Variants in PDCD10 observed in about 807,000 individuals in gnomAD.
PDCD10 encodes programmed cell death 10.
A neutral mutation model predicts 29.2 loss-of-function variants in PDCD10; 4 were observed. The ratio of observed to expected loss-of-function variants is 0.14; its 90% CI spans 0.07 to 0.31. The LOEUF (loss-of-function observed/expected upper bound fraction) is 0.31, where lower values mean the gene tolerates loss of function less well. Ranked by LOEUF, PDCD10 falls within the 10% of genes least tolerant of loss-of-function variation. The pLI, the probability that PDCD10 is intolerant of heterozygous loss-of-function variation, is 1.00. For synonymous variants in PDCD10, 70 were observed against 82.2 expected (o/e 0.85, Z 0.80); for missense variants, 183 against 257.9 (o/e 0.71, Z 1.99).
chr3:167,721,814 T>C (rs1358980604), intron 2 of PDCD10, among the ~76,000 whole-genome samples: 5 of 152,194 alleles, frequency 3.3e-5, no homozygotes, highest in Non-Finnish European at 7.3e-5. Context: ...AAGAATACCA[T>C]TACCTGATTA....
At chr3:167,728,495 A>T (rs1348862357) in intron 2 of PDCD10, among the ~76,000 whole-genome samples, 1 of 152,226 alleles carries the variant, frequency 6.6e-6, no homozygotes, top group Non-Finnish European at 1.5e-5. Flanking sequence ...TGACTGAATA[A>T]GACAGGGAGA....
At chr3:167,719,480 A>G (rs922122238) in intron 3 of PDCD10, among the ~76,000 whole-genome samples, 1 of 152,140 alleles carries the variant, frequency 6.6e-6, no homozygotes, top group Admixed American at 6.6e-5. Flanking sequence ...ACCCCAAAAT[A>G]TATCAATATT....
chr3:167,711,173 C>T (rs1559965569), intron 3 of PDCD10, among the ~76,000 whole-genome samples: 1 of 152,166 alleles, frequency 6.6e-6, no homozygotes. Flanking sequence ...ACCAAACAAA[C>T]TAAATAAGGC....
Position 167,695,644 on chromosome 3 carries a change from T to C in PDCD10, c.347A>G (p.Lys116Arg). 1.2e-6 allele frequency: 2 copies of C among 1,612,712 alleles called. No individual in the cohort carries two copies. Among genetic ancestry groups the C allele is most frequent in the Non-Finnish European group, 1.7e-6 (2 of 1,178,694 alleles). ...TCTGTCATTGATCTCATCTGGGATC[T>C]TACTGAGAATTTGTTTAAGTGCTCG... is the stretch of plus-strand genomic sequence containing the variant. ...KARALKQILSKIPDEINDRVR... is the reference protein window; with the variant it reads ...KARALKQILSRIPDEINDRVR... Residue 116 changes from lysine (K) to arginine (R), a missense_variant, in exon 6 of 9, where the codon AAG (lysine) becomes AGG (arginine). Lys to Arg is a conservative substitution (Grantham distance 26, BLOSUM62 2). Coordinates refer to ENST00000392750, the MANE Select transcript of PDCD10 (RefSeq NM_007217.4).
At position 167,723,666 on chromosome 3, in the gene PDCD10, G is replaced by A. The variant is rs1723807584; in HGVS notation, c.-116-3393C>T. ...ACATAGCAAGAACTTTACGTCTCACGTTTCAAATGTGCTGCTTTGCAGGGA... is the reference window on the plus strand; with the variant it reads ...ACATAGCAAGAACTTTACGTCTCACATTTCAAATGTGCTGCTTTGCAGGGA... On this transcript the variant is annotated intron_variant, in intron 2 of 8. Transcript: ENST00000392750. Among the ~76,000 whole-genome samples, 3 of 152,320 alleles carry A rather than the reference G, an allele frequency of 2.0e-5. No homozygotes were observed. The South Asian group carries it at 6.2e-4, about 32-fold the overall frequency.
chr3:167,733,946 G>A (rs1375569586), intron 2 of PDCD10, among the ~76,000 whole-genome samples: 1 of 152,078 alleles, frequency 6.6e-6, no homozygotes, highest in African/African-American at 2.4e-5. Context: ...CTTTATTGAG[G>A]AATTTCACTC....
chr3:167,686,536 A>G (rs1311015259), intron 8 of PDCD10, among the ~76,000 whole-genome samples: 1 of 152,202 alleles, frequency 6.6e-6, no homozygotes, highest in Non-Finnish European at 1.5e-5. Context: ...AGTGACTCTA[A>G]TGCACAGAAA....
chr3:167,685,633 A>G (rs1422226040), intron 8 of PDCD10, among the ~76,000 whole-genome samples: 1 of 152,164 alleles, frequency 6.6e-6, no homozygotes, highest in African/African-American at 2.4e-5. Context: ...TGCAGAGTAA[A>G]TAATTTCAAT....
At chr3:167,696,969 A>T in intron 5 of PDCD10, 40 bp downstream of exon 5, 1 of 995,790 alleles carries the variant, frequency 1.0e-6, no homozygotes, top group Non-Finnish European at 1.6e-6. Context: ...AGTGCTATTT[A>T]ACAATTGTAT....
intron 3 of PDCD10, among the ~76,000 whole-genome samples, chr3:167,718,516 A>C (rs1723245364): frequency 6.6e-6 from 1 of 152,072 alleles, no homozygotes; most frequent in Admixed American, 6.6e-5. Flanking sequence ...GTTTTTCAAA[A>C]GATGCTTCTT....
chr3:167,690,912 T>C (rs959398571), intron 6 of PDCD10, among the ~76,000 whole-genome samples: 2 of 152,230 alleles, frequency 1.3e-5, no homozygotes, highest in Non-Finnish European at 2.9e-5. Flanking sequence ...CAAATCTAGG[T>C]CTGCTAATAT....
At chr3:167,717,345 A>G (rs1723123544) in intron 3 of PDCD10, among the ~76,000 whole-genome samples, 1 of 152,028 alleles carries the variant, frequency 6.6e-6, no homozygotes, top group Non-Finnish European at 1.5e-5. Context: ...GTGAGAAGGA[A>G]TAATCATTTT....
intron 2 of PDCD10, among the ~76,000 whole-genome samples, chr3:167,727,754 CT>C (rs1724360005): frequency 6.6e-6 from 1 of 152,166 alleles, no homozygotes; most frequent in Non-Finnish European, 1.5e-5. Context: ...CACTTATAAT[CT>C]TAGATACCTA....
intron 6 of PDCD10, among the ~76,000 whole-genome samples, chr3:167,691,334 G>A (rs1247681424): frequency 1.3e-5 from 2 of 152,238 alleles, no homozygotes; most frequent in South Asian, 4.1e-4. Context: ...AAATGGTTAG[G>A]AAGTAAATTT....
chr3:167,722,025 C>T (rs1203837118), intron 2 of PDCD10, among the ~76,000 whole-genome samples: 1 of 152,050 alleles, frequency 6.6e-6, no homozygotes, highest in Non-Finnish European at 1.5e-5. Context: ...TGGTAATCTG[C>T]TTTTCCACTT....
At chr3:167,688,398 T>C (rs1719864827) in intron 6 of PDCD10, among the ~76,000 whole-genome samples, 1 of 152,178 alleles carries the variant, frequency 6.6e-6, no homozygotes, top group Non-Finnish European at 1.5e-5. Context: ...TCTTGCACTT[T>C]AACCTTCCCA....
Position 167,683,318 on chromosome 3 carries a change from T to C in PDCD10, c.*990A>G, listed in dbSNP as rs759295554. 3.9e-5 allele frequency: 6 copies of C among 152,072 alleles called. No individual in the cohort carries two copies. The highest frequency in any genetic ancestry group is 5.9e-5 in the Non-Finnish European group (4 of 67,938). The allele number at this position is 152,072 out of a possible 1,614,324, so 9.4% of individuals were successfully genotyped here. A position where few individuals can be genotyped will look rare whatever the true frequency, so the allele number is the denominator to read the frequency against. ...GCAAATTCTGATTTTTTCCCTTTAT[T>C]TTATAATTGAAAAATGAAACCACTT... On this transcript the variant is annotated 3_prime_UTR_variant, in exon 9 of 9. Coordinates refer to ENST00000392750, the MANE Select transcript of PDCD10 (RefSeq NM_007217.4).
At chr3:167,698,978 A>AAT (rs1462700388) in intron 4 of PDCD10, among the ~76,000 whole-genome samples, 1 of 152,212 alleles carries the variant, frequency 6.6e-6, no homozygotes, top group Non-Finnish European at 1.5e-5. Context: ...AGTGCTGTTT[A>AAT]TTAAATACTT....
intron 3 of PDCD10, among the ~76,000 whole-genome samples, chr3:167,710,121 G>C (rs1722383736): frequency 6.6e-6 from 1 of 152,168 alleles, no homozygotes; most frequent in African/African-American, 2.4e-5. Flanking sequence ...TTGAGATTCA[G>C]ACATGCTGGT....
Sources: allele counts gnomAD v4.1 joint callset (sites outside exome capture counted in the v4.1 genomes callset), GRCh38; gene constraint gnomAD v4.1.1; transcripts MANE v1.5; gene names NCBI Gene and HGNC (gene_info 2026-07-23, HGNC 2026-07-21).